Variants in CDKAL1 observed in about 807,000 individuals in gnomAD.
CDKAL1 encodes the protein threonylcarbamoyladenosine tRNA methylthiotransferase.
CDKAL1 carries 32 observed loss-of-function variants against 68.2 expected under a neutral mutation model. That is an observed-to-expected ratio of 0.47 (90% CI 0.35 to 0.63). The LOEUF (loss-of-function observed/expected upper bound fraction) is 0.63. CDKAL1 is among the 30% of genes least tolerant of loss of function. The pLI, the probability that CDKAL1 is intolerant of heterozygous loss-of-function variation, is 0.00. For missense variants in CDKAL1, 606 were observed against 696.7 expected, an observed-to-expected ratio of 0.87 and a Z score of 1.47; for synonymous variants, 234 against 244.3, an observed-to-expected ratio of 0.96 and a Z score of 0.39.
intron 9 of CDKAL1, among the ~76,000 whole-genome samples, chr6:20,915,881 A>G (rs1269213392): frequency 6.6e-6 from 1 of 152,158 alleles, no homozygotes; most frequent in Non-Finnish European, 1.5e-5. Flanking sequence ...AAAAAGGAGC[A>G]GGTCTTGATA....
chr6:21,148,064 T>A (rs182048594), intron 13 of CDKAL1, among the ~76,000 whole-genome samples: 77 of 152,358 alleles, frequency 5.1e-4, no homozygotes, highest in African/African-American at 1.7e-3. Context: ...ATATCTGAGA[T>A]GAACTTGGCT....
At chr6:20,860,047 G>C (rs569193314) in intron 9 of CDKAL1, among the ~76,000 whole-genome samples, 1 of 152,102 alleles carries the variant, frequency 6.6e-6, no homozygotes, top group Non-Finnish European at 1.5e-5. Flanking sequence ...ATATCACTCT[G>C]TTTATTTGTT....
chr6:20,754,584 A>G (rs1774088613), intron 6 of CDKAL1, among the ~76,000 whole-genome samples: 1 of 152,176 alleles, frequency 6.6e-6, no homozygotes. Flanking sequence ...TTTATTGGCC[A>G]TAAGTATATT....
At chr6:20,741,653 G>GTT (rs140551656) in intron 6 of CDKAL1, among the ~76,000 whole-genome samples, 13 of 151,696 alleles carry the variant, frequency 8.6e-5, no homozygotes, top group Admixed American at 3.3e-4. Flanking sequence ...TCTTGTTTTT[G>GTT]TTTTTTTATG....
chr6:20,979,978 G>A (rs1028463709), intron 10 of CDKAL1, among the ~76,000 whole-genome samples: 3 of 151,546 alleles, frequency 2.0e-5, no homozygotes, highest in Admixed American at 1.3e-4. Flanking sequence ...CATCATGTTG[G>A]CCAGGCTGAT....
chr6:20,901,149 G>A (rs770119148), intron 9 of CDKAL1, among the ~76,000 whole-genome samples: 4 of 152,100 alleles, frequency 2.6e-5, no homozygotes, highest in African/African-American at 7.2e-5. Context: ...GCATGTGTCC[G>A]AGAGACAGAT....
intron 12 of CDKAL1, among the ~76,000 whole-genome samples, chr6:21,107,181 T>C (rs373857535): frequency 1.5e-3 from 222 of 152,024 alleles, no homozygotes; most frequent in African/African-American, 5.2e-3. Flanking sequence ...TCTCCTGACC[T>C]TGTGATCCGC....
At position 21,056,979 on chromosome 6, in the gene CDKAL1, T is replaced by A. The variant is rs190195063; in HGVS notation, c.1056-8069T>A. Among the ~76,000 whole-genome samples the A allele has an allele frequency of 2.0e-5, 3 of 152,272 alleles. 1 individual carries two copies. In the South Asian group the frequency reaches 6.2e-4, roughly 32 times the overall value. On this transcript the variant is annotated intron_variant, in intron 11 of 15. Transcript: ENST00000274695. ...GTTCATCAGGGATAGTGGCCTGAAA[T>A]TTTCTTTTTTTATTGCATCGTTGCC...
intron 5 of CDKAL1, among the ~76,000 whole-genome samples, chr6:20,732,533 C>T (rs892731565): frequency 1.3e-5 from 2 of 151,490 alleles, no homozygotes; most frequent in South Asian, 2.1e-4. Context: ...GTGATCTGCC[C>T]GCCTCTGCCT....
chr6:20,587,549 G>A (rs1375196398), intron 4 of CDKAL1, among the ~76,000 whole-genome samples: 6 of 149,990 alleles, frequency 4.0e-5, no homozygotes, highest in South Asian at 4.3e-4. Context: ...CGTGGGCAGC[G>A]TAGTGAGACC....
At chr6:20,558,081 G>A (rs1013600762) in intron 4 of CDKAL1, among the ~76,000 whole-genome samples, 1 of 152,124 alleles carries the variant, frequency 6.6e-6, no homozygotes, top group Admixed American at 6.5e-5. Context: ...TGCACATTTT[G>A]GCCACTATTA....
At chr6:20,851,470 C>T (rs1245471395) in intron 9 of CDKAL1, among the ~76,000 whole-genome samples, 1 of 152,056 alleles carries the variant, frequency 6.6e-6, no homozygotes, top group Admixed American at 6.6e-5. Context: ...CACCTTTCAC[C>T]GCACTGTCTC....
chr6:20,965,554 A>C lies in CDKAL1; in HGVS notation c.909+9969A>C, dbSNP rs180745907. On this transcript the variant is annotated intron_variant, in intron 10 of 15. Coordinates refer to ENST00000274695, the MANE Select transcript of CDKAL1 (RefSeq NM_017774.3). ...AAATATAAAGATCTCTCTCACTCTAACATACTTGAAAAACATAAAAATTTA... is the reference window on the plus strand; with the variant it reads ...AAATATAAAGATCTCTCTCACTCTACCATACTTGAAAAACATAAAAATTTA... Among the ~76,000 whole-genome samples the C allele has an allele frequency of 3.7e-3, 568 of 152,332 alleles. 3 individuals are homozygous for C. The highest frequency in any genetic ancestry group is 5.0e-3 in the Non-Finnish European group (338 of 68,030).
At chr6:20,909,423 G>A (rs1047678621) in intron 9 of CDKAL1, among the ~76,000 whole-genome samples, 1 of 152,104 alleles carries the variant, frequency 6.6e-6, no homozygotes, top group Admixed American at 6.5e-5. Flanking sequence ...TTACTTACTC[G>A]CTGTAATTTA....
chr6:20,829,089 A>C (rs1344841470), intron 8 of CDKAL1, among the ~76,000 whole-genome samples: 1 of 152,156 alleles, frequency 6.6e-6, no homozygotes, highest in Non-Finnish European at 1.5e-5. Flanking sequence ...CTGTTGATTG[A>C]CATTTGGTTT....
intron 12 of CDKAL1, among the ~76,000 whole-genome samples, chr6:21,078,548 GC>G (rs1479237440): frequency 1.3e-5 from 2 of 152,136 alleles, no homozygotes; most frequent in African/African-American, 2.4e-5. Flanking sequence ...TGATTAACTA[GC>G]CCAAGATCAT....
chr6:21,142,601 AGAG>A (rs1328564346), intron 13 of CDKAL1, among the ~76,000 whole-genome samples: 1 of 152,238 alleles, frequency 6.6e-6, no homozygotes, highest in Non-Finnish European at 1.5e-5. Context: ...GCCTAGGATA[AGAG>A]GAGCATAGTG....
At chr6:21,206,037 G>C (rs1778920346) in intron 15 of CDKAL1, among the ~76,000 whole-genome samples, 1 of 143,710 alleles carries the variant, frequency 7.0e-6, no homozygotes, top group African/African-American at 2.6e-5. Context: ...TAGAGACGGG[G>C]TTTCACCATG....
chr6:20,854,872 A>G (rs962315288), intron 9 of CDKAL1, among the ~76,000 whole-genome samples: 14 of 152,248 alleles, frequency 9.2e-5, no homozygotes, highest in African/African-American at 3.1e-4. Flanking sequence ...GGGAAAACAG[A>G]TAAGAATAGA....
Sources: gnomAD v4.1 joint callset for allele counts (sites outside exome capture counted in the v4.1 genomes callset) on GRCh38, gnomAD v4.1.1 for gene constraint, MANE v1.5 for transcripts, NCBI Gene and HGNC (gene_info 2026-07-23, HGNC 2026-07-21) for gene names.